Variants in TRAF3IP1 observed in about 807,000 individuals in gnomAD.
The protein encoded by TRAF3IP1 is TRAF3-interacting protein 1.
A neutral mutation model predicts 89.9 loss-of-function variants in TRAF3IP1; 53 were observed. That is an observed-to-expected ratio of 0.59 (90% CI 0.47 to 0.74). The LOEUF (loss-of-function observed/expected upper bound fraction) is 0.74, where lower values mean the gene tolerates loss of function less well. Ranked by LOEUF, TRAF3IP1 falls within the 30% of genes least tolerant of loss-of-function variation. The pLI is 0.00. For synonymous variants in TRAF3IP1, 311 were observed against 322.1 expected, an observed-to-expected ratio of 0.97 and a Z score of 0.37; for missense variants, 806 against 866.1, an observed-to-expected ratio of 0.93 and a Z score of 0.87.
In TRAF3IP1 at chr2:238,399,569, A is replaced by G. The variant is rs1213505747; in HGVS notation, c.*650A>G. The G allele has an allele frequency of 6.6e-6, 1 of 152,086 alleles. No homozygotes were observed. The highest frequency in any genetic ancestry group is 1.5e-5 in the Non-Finnish European group (1 of 68,034). The allele number at this position is 152,086 out of a possible 1,614,324, so 9.4% of individuals were successfully genotyped here. A position where few individuals can be genotyped will look rare whatever the true frequency, so the allele number is the denominator to read the frequency against. ...CTTGTGTTTCTAGTCCTTAAAGTTC[A>G]TAAATTTAAAAAGGAGATTTCAGGA... On this transcript the variant is annotated 3_prime_UTR_variant, in exon 17 of 17. Coordinates refer to ENST00000373327, the MANE Select transcript of TRAF3IP1 (RefSeq NM_015650.4).
At chr2:238,338,784 G>A (rs1219613763) in intron 8 of TRAF3IP1, among the ~76,000 whole-genome samples, 1 of 152,182 alleles carries the variant, frequency 6.6e-6, no homozygotes, top group African/African-American at 2.4e-5. Context: ...CGGTTTTTAT[G>A]TCTTCGTCCT....
chr2:238,328,639 G>T (rs768923003), intron 3 of TRAF3IP1, 47 bp from the exon 4 acceptor site: 1 of 1,591,070 alleles, frequency 6.3e-7, no homozygotes. Context: ...TACGTGTGCG[G>T]ATCTCATTTC....
In TRAF3IP1 at chr2:238,349,390, A is replaced by G. The variant is rs138390908; in HGVS notation, c.1433A>G (p.Glu478Gly). The G allele has an allele frequency of 6.2e-7, 1 of 1,614,136 alleles. No individual in the cohort carries two copies. Among genetic ancestry groups the G allele is most frequent in the Non-Finnish European group, 8.5e-7 (1 of 1,180,022 alleles). The change falls in exon 12 of 17, where the codon GAG becomes GGG. Residue 478 changes from glutamate to glycine, a missense_variant. Glu to Gly is a moderately conservative substitution (Grantham distance 98). This residue lies in a region of TRAF3IP1 where 732 missense variants were observed against 780.5 expected (regional missense o/e 0.94). Transcript: ENST00000373327. ...PPRVKRQDSM[E>G]ALQMDRSGSG... The stretch of plus-strand genomic sequence containing the variant: ...CGGGTCAAACGGCAAGACAGCATGG[A>G]GGCGCTACAAATGGATAGGTAAGGC...
chr2:238,330,057 C>A (rs749248117), intron 5 of TRAF3IP1, among the ~76,000 whole-genome samples: 1 of 152,130 alleles, frequency 6.6e-6, no homozygotes, highest in African/African-American at 2.4e-5. Context: ...TTCTCCCGTG[C>A]GTGTCGTTTG....
intron 11 of TRAF3IP1, 108 bp from the exon 12 acceptor site, chr2:238,349,217 G>T: frequency 9.3e-7 from 1 of 1,071,852 alleles, no homozygotes; most frequent in Non-Finnish European, 1.4e-6. Context: ...CCAGCACATT[G>T]ATTATGGCTT....
intron 8 of TRAF3IP1, among the ~76,000 whole-genome samples, chr2:238,340,665 C>T (rs979163414): frequency 6.6e-6 from 1 of 151,714 alleles, no homozygotes; most frequent in Non-Finnish European, 1.5e-5. Context: ...TGCTTAGTTT[C>T]CCTCATTTCA....
Position 238,320,738 on chromosome 2 carries a change from C to T in TRAF3IP1, c.76C>T (p.Leu26=), listed in dbSNP as rs1330851033. 2.1e-6 allele frequency: 3 copies of T among 1,448,456 alleles called. No individual in the cohort carries two copies. The highest frequency in any genetic ancestry group is 3.1e-5 in the East Asian group (1 of 31,846). 89.7% of individuals were successfully genotyped at this position (1,448,456 alleles called of 1,614,324 possible). A position where few individuals can be genotyped will look rare whatever the true frequency, so the allele number is the denominator to read the frequency against. The change falls in exon 1 of 17, where the codon CTG becomes TTG. Residue 26 remains leucine (L), a synonymous_variant. Transcript: ENST00000373327. ...TCGGAGGCCGCCGCTGACCGAGAAG[C>T]TGCTGAGCAAGCCCCCGTTCCGCTA... ...VIRRPPLTEK[L]LSKPPFRYLH...
At position 238,379,189 on chromosome 2, in the gene TRAF3IP1, G is replaced by A. The variant is rs1265677886; in HGVS notation, c.1690-18270G>A. The stretch of plus-strand genomic sequence containing the variant: ...TTACCTGGAGGCTGCTGGTCTCTCG[G>A]GCCGGACAACCCCCACCCCATTTAA... On this transcript the variant is annotated intron_variant, in intron 15 of 16. Transcript: ENST00000373327. The surrounding 1 kb of genome is among the most constrained non-coding windows in gnomAD (Gnocchi z 4.0). Among the ~76,000 whole-genome samples, 1 of 152,170 alleles carries A rather than the reference G, an allele frequency of 6.6e-6. No homozygotes were observed. The highest frequency in any genetic ancestry group is 1.5e-5 in the Non-Finnish European group (1 of 68,038).
intron 5 of TRAF3IP1, among the ~76,000 whole-genome samples, chr2:238,330,904 C>T (rs1281133496): frequency 6.6e-6 from 1 of 152,150 alleles, no homozygotes; most frequent in African/African-American, 2.4e-5. Context: ...CCTGGCTTTC[C>T]TTATGAGTCT....
chr2:238,324,845 G>A (rs537928292), intron 1 of TRAF3IP1, among the ~76,000 whole-genome samples: 14 of 151,520 alleles, frequency 9.2e-5, no homozygotes, highest in Non-Finnish European at 1.6e-4. Context: ...CTTGTGATTT[G>A]TCCGCCTCAG....
At chr2:238,356,103 C>G in intron 15 of TRAF3IP1, 23 bp downstream of exon 15, 1 of 1,569,006 alleles carries the variant, frequency 6.4e-7, no homozygotes, top group East Asian at 2.2e-5. Context: ...TTTCCATAAA[C>G]ACTGGCATTT....
rs1261527529 is a variant in TRAF3IP1 at position 238,399,682 on chromosome 2, C to T, written c.*763C>T. On this transcript the variant is annotated 3_prime_UTR_variant, in exon 17 of 17. Coordinates refer to ENST00000373327, the MANE Select transcript of TRAF3IP1 (RefSeq NM_015650.4). ...TCCTCAGACAGAGGCTAGCGCAGCC[C>T]CCCGGAGTCCTTGTTCTCCTTAAGA... The T allele has an allele frequency of 6.6e-6, 1 of 152,088 alleles. No homozygotes were observed. Among genetic ancestry groups the T allele is most frequent in the Non-Finnish European group, 1.5e-5 (1 of 68,050 alleles). 9.4% of individuals were successfully genotyped at this position (152,088 alleles called of 1,614,324 possible).
chr2:238,344,948 T>C (rs1157192538), intron 9 of TRAF3IP1, among the ~76,000 whole-genome samples: 1 of 152,176 alleles, frequency 6.6e-6, no homozygotes. Flanking sequence ...ATGGTCACAG[T>C]GCTGTGGCCA....
At chr2:238,349,214 A>T in intron 11 of TRAF3IP1, 111 bp from the exon 12 acceptor site, 1 of 1,049,064 alleles carries the variant, frequency 9.5e-7, no homozygotes, top group Non-Finnish European at 1.4e-6. Context: ...TAACCAGCAC[A>T]TTGATTATGG....
At chr2:238,396,150 C>T (rs1171276416) in intron 15 of TRAF3IP1, among the ~76,000 whole-genome samples, 4 of 152,036 alleles carry the variant, frequency 2.6e-5, no homozygotes, top group Non-Finnish European at 4.4e-5. Flanking sequence ...CAACGATAGA[C>T]TGGATTAAGA....
chr2:238,398,944 A>G lies in TRAF3IP1; in HGVS notation c.*25A>G. 2.5e-6 allele frequency: 4 copies of G among 1,573,836 alleles called. No homozygotes were observed. The highest frequency in any genetic ancestry group is 3.4e-6 in the Non-Finnish European group (4 of 1,165,614). On this transcript the variant is annotated 3_prime_UTR_variant, in exon 17 of 17. Transcript: ENST00000373327. ...AACACTCAAAAGTTTCAGAGATGAA[A>G]AGTCACCTCAGTTTAAAAGCAAAAA... is the stretch of plus-strand genomic sequence containing the variant.
chr2:238,364,773 CTT>C (rs1292965216), intron 15 of TRAF3IP1, among the ~76,000 whole-genome samples: 1 of 152,066 alleles, frequency 6.6e-6, no homozygotes, highest in Non-Finnish European at 1.5e-5. Flanking sequence ...TGACTGCTCT[CTT>C]CTCTACTTTC....
chr2:238,328,952 G>C lies in TRAF3IP1; in HGVS notation c.525G>C (p.Glu175Asp), dbSNP rs917530409. Residue 175 changes from glutamate (E) to aspartate (D), a missense_variant, in exon 5 of 17, where the codon GAG becomes GAC. Glu to Asp is a conservative substitution (Grantham distance 45, BLOSUM62 2). Around this residue, in one of 3 missense-constraint regions of TRAF3IP1, gnomAD observed 732 missense variants for 780.5 expected, o/e 0.94. Coordinates refer to ENST00000373327, the MANE Select transcript of TRAF3IP1 (RefSeq NM_015650.4). ...ATAGAGGAGACGCTGAAATAAAAGA[G>C]AGAAGTACAAGCAGAGATCGAAAAC... ...TEDRGDAEIK[E>D]RSTSRDRKQK... 1 of 1,551,996 alleles carries C rather than the reference G, an allele frequency of 6.4e-7. No individual in the cohort carries two copies. Among genetic ancestry groups the C allele is most frequent in the Admixed American group, 2.0e-5 (1 of 49,416 alleles).
In TRAF3IP1 at chr2:238,332,820, A is replaced by G. The variant is rs778376663; in HGVS notation, c.916-4A>G. 1.4e-5 allele frequency: 22 copies of G among 1,591,602 alleles called. No homozygotes were observed. The highest frequency in any genetic ancestry group is 1.9e-5 in the Non-Finnish European group (22 of 1,170,030). ...AAAGTTTGAATTTTTTTTTTTTTTA[A>G]TAGTCAGCAAGCTCAGGGGAGATGT... On this transcript the variant is annotated splice_polypyrimidine_tract_variant and splice_region_variant and intron_variant, in intron 5 of 16. Transcript: ENST00000373327.
Sources: allele counts gnomAD v4.1 joint callset (sites outside exome capture counted in the v4.1 genomes callset), GRCh38; gene constraint gnomAD v4.1.1; regional missense constraint gnomAD v4.1.1; non-coding constraint Gnocchi (gnomAD v3.1); transcripts MANE v1.5; gene names NCBI Gene and HGNC (gene_info 2026-07-23, HGNC 2026-07-21).